The following ATP9B variants were observed in gnomAD, a reference collection of about 807,000 sequenced individuals.
ATP9B encodes probable phospholipid-transporting ATPase IIB.
ATP9B carries 110 observed loss-of-function variants against 146.1 expected under a neutral mutation model. The ratio of observed to expected loss-of-function variants is 0.75; its 90% CI spans 0.65 to 0.88. The LOEUF is 0.88. Ranked by LOEUF, ATP9B falls within the 40% of genes least tolerant of loss-of-function variation. ATP9B has a pLI of 0.00. For synonymous variants in ATP9B, 604 were observed against 569.7 expected (o/e 1.06, Z -0.86); for missense variants, 1,499 against 1,496.4 (o/e 1.00, Z -0.03).
intron 7 of ATP9B, among the ~76,000 whole-genome samples, chr18:79,169,036 G>A (rs2095029011): frequency 6.6e-6 from 1 of 152,072 alleles, no homozygotes; most frequent in Admixed American, 6.5e-5. Flanking sequence ...GCATATTTGT[G>A]GAGGCAGCGT....
chr18:79,376,851 C>G, intron 29 of ATP9B, among the ~76,000 whole-genome samples: 1 of 151,760 alleles, frequency 6.6e-6, no homozygotes, highest in Non-Finnish European at 1.5e-5. Context: ...TCCACCACCA[C>G]GCCCGGCTAA....
chr18:79,077,658 G>T (rs1316794523), intron 1 of ATP9B, among the ~76,000 whole-genome samples: 2 of 152,218 alleles, frequency 1.3e-5, no homozygotes, highest in Non-Finnish European at 2.9e-5. Context: ...GGAGTCACTT[G>T]TGCTAGGTGC....
chr18:79,197,503 G>C (rs28477764), intron 9 of ATP9B, among the ~76,000 whole-genome samples: 5 of 151,898 alleles, frequency 3.3e-5, no homozygotes, highest in African/African-American at 1.2e-4. Flanking sequence ...GTTAGGGTGG[G>C]GATTTCAGAG....
intron 13 of ATP9B, among the ~76,000 whole-genome samples, chr18:79,292,242 G>A (rs7239390): frequency 0.055 from 8,411 of 152,198 alleles, 426 homozygotes; most frequent in African/African-American, 0.13. Context: ...AGAAGGTGGC[G>A]TCCACATTGT....
intron 9 of ATP9B, among the ~76,000 whole-genome samples, chr18:79,203,200 G>C (rs543290656): frequency 2.6e-5 from 4 of 152,022 alleles, no homozygotes; most frequent in African/African-American, 9.6e-5. Context: ...GCAGGTACCT[G>C]ATGCATCATG....
At chr18:79,305,593 G>GGTA in intron 14 of ATP9B, among the ~76,000 whole-genome samples, 1 of 151,496 alleles carries the variant, frequency 6.6e-6, no homozygotes, top group Non-Finnish European at 1.5e-5. Flanking sequence ...GATGAGCTCT[G>GGTA]CTTTTTAAAA....
At chr18:79,079,842 T>G (rs896963373) in intron 1 of ATP9B, among the ~76,000 whole-genome samples, 2 of 152,148 alleles carry the variant, frequency 1.3e-5, no homozygotes, top group Admixed American at 6.5e-5. Flanking sequence ...AAGGAAGGGG[T>G]CCAGTTTCAG....
chr18:79,270,885 C>G (rs1208801424), intron 12 of ATP9B, among the ~76,000 whole-genome samples: 1 of 152,158 alleles, frequency 6.6e-6, no homozygotes, highest in African/African-American at 2.4e-5. Flanking sequence ...ACATGAAAGT[C>G]GGAAGAGTCC....
intron 19 of ATP9B, among the ~76,000 whole-genome samples, chr18:79,339,364 ATCTG>A (rs1299360554): frequency 3.4e-5 from 5 of 146,242 alleles, no homozygotes; most frequent in South Asian, 2.2e-4. Flanking sequence ...AGACTATCAT[ATCTG>A]TCTGAGATCG....
intron 17 of ATP9B, 28 bp downstream of exon 17, chr18:79,330,132 C>T (rs1472961181): frequency 6.3e-7 from 1 of 1,597,352 alleles, no homozygotes; most frequent in East Asian, 2.2e-5. Flanking sequence ...GCGTGGTTCA[C>T]AGTGTTTCTA....
At chr18:79,168,443 A>G (rs1363892666) in intron 7 of ATP9B, among the ~76,000 whole-genome samples, 3 of 151,674 alleles carry the variant, frequency 2.0e-5, no homozygotes, top group Non-Finnish European at 4.4e-5. Flanking sequence ...TCTTGGTTGA[A>G]GTGCTGAGGT....
At chr18:79,113,460 TG>T (rs1489707459) in intron 4 of ATP9B, 106 bp downstream of exon 4, 3 of 708,478 alleles carry the variant, frequency 4.2e-6, no homozygotes, top group Non-Finnish European at 7.0e-6. Context: ...TAAAACATGG[TG>T]TTGTAGTGTT....
rs1163680715 is a variant in ATP9B, at chr18:79,210,502, T to C, written c.1031-3460T>C. On this transcript the variant is annotated intron_variant, in intron 10 of 29. Transcript: ENST00000426216. ...GTCACCTGTGTCTCTGTGTCCTGGCTGTGTGGACTCTAGACCTTGGTTGGG... is the reference window on the plus strand; with the variant it reads ...GTCACCTGTGTCTCTGTGTCCTGGCCGTGTGGACTCTAGACCTTGGTTGGG... Among the ~76,000 whole-genome samples the C allele has an allele frequency of 5.2e-4, 79 of 152,214 alleles. 2 individuals carry two copies. Among genetic ancestry groups the C allele is most frequent in the Admixed American group, 5.2e-3 (79 of 15,284 alleles).
At chr18:79,373,575 C>T (rs1026928409) in intron 27 of ATP9B, among the ~76,000 whole-genome samples, 10 of 151,540 alleles carry the variant, frequency 6.6e-5, no homozygotes, top group African/African-American at 1.9e-4. Context: ...CTGCAACCTC[C>T]GTCTCCTGGG....
chr18:79,207,611 T>G (rs2095546518), intron 10 of ATP9B, among the ~76,000 whole-genome samples: 1 of 151,976 alleles, frequency 6.6e-6, no homozygotes, highest in Admixed American at 6.6e-5. Flanking sequence ...TCGATGCTGG[T>G]GCCAGTAATG....
At chr18:79,093,384 C>T (rs1220977051) in intron 1 of ATP9B, among the ~76,000 whole-genome samples, 9 of 152,122 alleles carry the variant, frequency 5.9e-5, no homozygotes, top group Admixed American at 1.3e-4. Flanking sequence ...CTTTGGCCTC[C>T]GTTTTTCTCC....
chr18:79,157,609 G>C (rs7506838), intron 7 of ATP9B, among the ~76,000 whole-genome samples: 85,245 of 151,796 alleles, frequency 0.56, 25,618 homozygotes, highest in African/African-American at 0.79. Context: ...ATGAAACCCT[G>C]TGGGACTGGA....
chr18:79,311,088 G>A (rs916324016), intron 15 of ATP9B, among the ~76,000 whole-genome samples: 15 of 151,466 alleles, frequency 9.9e-5, no homozygotes, highest in African/African-American at 3.4e-4. Flanking sequence ...GGAGGCGGAG[G>A]TTGCAGTGAG....
chr18:79,233,917 G>C (rs184057883), intron 11 of ATP9B, among the ~76,000 whole-genome samples: 1 of 152,332 alleles, frequency 6.6e-6, no homozygotes, highest in Non-Finnish European at 1.5e-5. Context: ...AGAGGGAAAA[G>C]TTATATTCAC....
Sources: allele counts gnomAD v4.1 joint callset (sites outside exome capture counted in the v4.1 genomes callset), GRCh38; gene constraint gnomAD v4.1.1; transcripts MANE v1.5; gene names NCBI Gene and HGNC (gene_info 2026-07-23, HGNC 2026-07-21).